GLG1: variants seen among roughly 807,000 people sequenced by gnomAD.
GLG1 encodes golgi glycoprotein 1, also known as Golgi apparatus protein 1.
A neutral mutation model predicts 160.5 loss-of-function variants in GLG1; 38 were observed. The observed-to-expected ratio is 0.24, with a 90% CI of 0.18 to 0.31. The LOEUF (loss-of-function observed/expected upper bound fraction) is 0.31. Ranked by LOEUF, GLG1 falls within the 10% of genes least tolerant of loss-of-function variation. The probability of loss-of-function intolerance (pLI) is 1.00; values close to 1 mark genes in which losing one functional copy is unlikely to be tolerated. For synonymous variants in GLG1, 644 were observed against 543.4 expected (o/e 1.19, Z -2.57); for missense variants, 1,373 against 1,505.2 (o/e 0.91, Z 1.45).
chr16:74,523,939 G>A lies in GLG1; in HGVS notation c.471+8182C>T, dbSNP rs957053433. ...TTAAAAAAAATAATAGGCCAGGCGC[G>A]GTGGCTCACGCCTGTGTAATCCCAG... On this transcript the variant is annotated intron_variant, in intron 2 of 25. Transcript: ENST00000422840. 7.9e-5 allele frequency among the ~76,000 whole-genome samples: 12 copies of A among 152,142 alleles called. No homozygotes were observed. The East Asian group carries it at 1.2e-3, about 15-fold the overall frequency.
At chr16:74,521,784 C>G (rs1424698996) in intron 2 of GLG1, among the ~76,000 whole-genome samples, 1 of 152,154 alleles carries the variant, frequency 6.6e-6, no homozygotes, top group African/African-American at 2.4e-5. Flanking sequence ...GTCCTGGCAG[C>G]AGTTCATGGA....
chr16:74,492,593 C>T (rs750850504), intron 7 of GLG1, among the ~76,000 whole-genome samples: 11 of 151,368 alleles, frequency 7.3e-5, no homozygotes, highest in Admixed American at 3.3e-4. Context: ...CCAAGGTGGG[C>T]GGATCACCTA....
Position 74,463,410 on chromosome 16 carries a change from T to G in GLG1, c.2737A>C (p.Met913Leu), listed in dbSNP as rs1020730559. 1 of 1,613,826 alleles carries G rather than the reference T, an allele frequency of 6.2e-7. No individual in the cohort carries two copies. Among genetic ancestry groups the G allele is most frequent in the Non-Finnish European group, 8.5e-7 (1 of 1,179,688 alleles). Residue 913 changes from methionine (M) to leucine (L), a missense_variant, in exon 20 of 26, where the codon ATG becomes CTG. Met to Leu is a conservative substitution (Grantham distance 15). Around this residue, in one of 4 missense-constraint regions of GLG1, gnomAD observed 491 missense variants for 632.1 expected, o/e 0.78. Coordinates refer to ENST00000422840, the MANE Select transcript of GLG1 (RefSeq NM_001145667.2). ...ATCATCTGTTTGCATTTGGGATCCA[T>G]CAATTCACTGTTTTTATTTTGCTTC... ...CLKQNKNSEL[M>L]DPKCKQMITK...
At chr16:74,518,614 C>T (rs925421704) in intron 2 of GLG1, among the ~76,000 whole-genome samples, 2 of 152,112 alleles carry the variant, frequency 1.3e-5, no homozygotes, top group African/African-American at 4.8e-5. Flanking sequence ...AAAACCTGGG[C>T]TGTATTAATA....
intron 1 of GLG1, among the ~76,000 whole-genome samples, chr16:74,550,321 G>T (rs1387658446): frequency 1.3e-5 from 2 of 152,046 alleles, no homozygotes; most frequent in African/African-American, 4.8e-5. Context: ...GAAAGAGCTC[G>T]AAGTCTCAAT....
Position 74,535,962 on chromosome 16 carries a change from A to G in GLG1, c.439-3809T>C, listed in dbSNP as rs1201292929. Among the ~76,000 whole-genome samples the G allele has an allele frequency of 2.0e-5, 3 of 152,212 alleles. No individual in the cohort carries two copies. In the East Asian group the frequency reaches 5.8e-4, roughly 29 times the overall value. On this transcript the variant is annotated intron_variant, in intron 1 of 25. Transcript: ENST00000422840. ...GAAGAGAGAGAACGAAATATAAAAT[A>G]CAAAGGAGTATTTTATACTACCCGG...
At chr16:74,459,569 G>C (rs1567455266) in intron 23 of GLG1, 113 bp downstream of exon 23, 1 of 666,886 alleles carries the variant, frequency 1.5e-6, no homozygotes, top group Non-Finnish European at 2.7e-6. Flanking sequence ...GTGCTGGGCA[G>C]AAGGTTGAGA....
In GLG1 at chr16:74,448,709, G is replaced by GC. The variant is rs953793050; in HGVS notation, c.*4457dup. 1.8e-4 allele frequency: 24 copies of GC among 131,928 alleles called. 1 individual carries two copies. In the Admixed American group the frequency reaches 1.9e-3, roughly 10 times the overall value. 8.2% of individuals were successfully genotyped at this position (131,928 alleles called of 1,614,324 possible). ...AGAAGTTGCAGTGAGCCGAGATTGC[G>GC]CCACTGCACTCCAGCCTGGGCAACG... On this transcript the variant is annotated 3_prime_UTR_variant, in exon 26 of 26. Transcript: ENST00000422840.
intron 17 of GLG1, chr16:74,468,741 A>C (rs2015092170): frequency 1.8e-6 from 1 of 564,578 alleles, no homozygotes; most frequent in Non-Finnish European, 3.2e-6. Context: ...ACTTCCAGTT[A>C]CATGTGGGAA....
Position 74,469,061 on chromosome 16 carries a change from A to G in GLG1, c.2321T>C (p.Val774Ala). The G allele has an allele frequency of 6.2e-7, 1 of 1,610,808 alleles. No homozygotes were observed. Among genetic ancestry groups the G allele is most frequent in the Non-Finnish European group, 8.5e-7 (1 of 1,176,958 alleles). Residue 774 changes from valine to alanine, a missense_variant and splice_region_variant, in exon 17 of 26, where the codon GTG becomes GCG. This residue lies in a region of GLG1 where 491 missense variants were observed against 632.1 expected (regional missense o/e 0.78). Transcript: ENST00000422840. ...CGTGCTCAGGCAGATCACCACGTCC[A>G]CCCTGCAGACGAAAGAAGCTTGAGG... ...LKLCPNIKKK[V>A]DVVICLSTTV...
At chr16:74,542,761 GGAAGGAA>G (rs1567514103) in intron 1 of GLG1, among the ~76,000 whole-genome samples, 7 of 52,684 alleles carry the variant, frequency 1.3e-4, no homozygotes, top group South Asian at 1.1e-3. Context: ...AAGGAAGGAA[GGAAGGAA>G]GGAAGGAAGG....
chr16:74,465,725 T>C lies in GLG1; in HGVS notation c.2618A>G (p.Asp873Gly). 6.2e-7 allele frequency: 1 copy of C among 1,613,840 alleles called. No individual in the cohort carries two copies. The highest frequency in any genetic ancestry group is 8.5e-7 in the Non-Finnish European group (1 of 1,179,762). The change falls in exon 19 of 26, where the codon GAC (aspartate) becomes GGC (glycine). Residue 873 changes from aspartate to glycine, a missense_variant. Transcript: ENST00000422840. Reference protein sequence around the residue: ...VFKLQETEMMDPELDYTLMRV... With the variant: ...VFKLQETEMMGPELDYTLMRV... ...CATGAGGGTGTAGTCTAGCTCTGGG[T>C]CCATCATCTCTGTCTCCTGCAGCTT...
chr16:74,458,739 T>A (rs1206725963), intron 23 of GLG1, among the ~76,000 whole-genome samples: 1 of 152,170 alleles, frequency 6.6e-6, no homozygotes, highest in African/African-American at 2.4e-5. Flanking sequence ...AATGTTCTAC[T>A]TTACCTCTGT....
intron 1 of GLG1, among the ~76,000 whole-genome samples, chr16:74,553,664 G>C (rs189693192): frequency 5.4e-4 from 82 of 151,932 alleles, no homozygotes; most frequent in Admixed American, 1.2e-3. Flanking sequence ...TAGTAGAGAC[G>C]GGGTTTCACC....
intron 3 of GLG1, among the ~76,000 whole-genome samples, chr16:74,507,372 G>C (rs1473081876): frequency 6.6e-6 from 1 of 151,970 alleles, no homozygotes; most frequent in African/African-American, 2.4e-5. Flanking sequence ...TATTTAATGG[G>C]ACACAAAATG....
chr16:74,490,921 G>A (rs1249695033), intron 8 of GLG1, 80 bp downstream of exon 8: 7 of 952,572 alleles, frequency 7.3e-6, no homozygotes, highest in South Asian at 1.4e-5. Context: ...TCCATATAAA[G>A]CAAGGTGGGA....
chr16:74,576,370 C>T (rs180987794), intron 1 of GLG1, among the ~76,000 whole-genome samples: 119 of 152,226 alleles, frequency 7.8e-4, no homozygotes, highest in Non-Finnish European at 5.9e-4. Flanking sequence ...CTTAAAATGA[C>T]ACCATGATTT....
intron 1 of GLG1, among the ~76,000 whole-genome samples, chr16:74,580,572 AC>A (rs1311311887): frequency 6.6e-6 from 1 of 152,180 alleles, no homozygotes; most frequent in Non-Finnish European, 1.5e-5. Context: ...ACTACAATAT[AC>A]TGTGAAGCAA....
At position 74,500,179 on chromosome 16, in the gene GLG1, G is replaced by A. The variant is rs549695277; in HGVS notation, c.774+3352C>T. Among the ~76,000 whole-genome samples the A allele has an allele frequency of 1.2e-3, 186 of 152,250 alleles. 1 individual carries two copies. The highest frequency in any genetic ancestry group is 4.4e-3 in the African/African-American group (183 of 41,560). ...AGGCATATAAATATTTGACAGCGAA[G>A]ACTGCATGGTTAGTTACCAAACATT... On this transcript the variant is annotated intron_variant, in intron 4 of 25. Coordinates refer to ENST00000422840, the MANE Select transcript of GLG1 (RefSeq NM_001145667.2).
Sources: gnomAD v4.1 joint callset for allele counts (sites outside exome capture counted in the v4.1 genomes callset) on GRCh38, gnomAD v4.1.1 for gene constraint, gnomAD v4.1.1 regional missense constraint, MANE v1.5 for transcripts, NCBI Gene and HGNC (gene_info 2026-07-23, HGNC 2026-07-21) for gene names.